Variants in SMYD3 observed in about 807,000 individuals in gnomAD.
The protein encoded by SMYD3 is histone-lysine N-methyltransferase SMYD3.
Under a neutral mutation model 57.7 loss-of-function variants are expected in SMYD3, and 36 were observed. The ratio of observed to expected loss-of-function variants is 0.62; its 90% CI spans 0.48 to 0.82. The LOEUF (loss-of-function observed/expected upper bound fraction) is 0.82, where lower values mean the gene tolerates loss of function less well. SMYD3 is among the 40% of genes least tolerant of loss of function. The pLI is 0.00. For missense variants in SMYD3, 515 were observed against 538.8 expected (o/e 0.96, Z 0.44); for synonymous variants, 211 against 195.0 (o/e 1.08, Z -0.68).
rs77232120 is a variant in SMYD3, at chr1:246,216,589, C to T, written c.531+110612G>A. 0.021 allele frequency among the ~76,000 whole-genome samples: 3,130 copies of T among 152,072 alleles called. 231 individuals carry two copies. In the East Asian group the frequency reaches 0.24, roughly 12 times the overall value. On this transcript the variant is annotated intron_variant, in intron 5 of 11. Coordinates refer to ENST00000490107, the MANE Select transcript of SMYD3 (RefSeq NM_001167740.2). ...AGAGAACGTCTTTGTTTTTAGAATG[C>T]TAACAATTGATGAATCTAGGTGCTA...
At chr1:246,224,128 C>G (rs1280132825) in intron 5 of SMYD3, among the ~76,000 whole-genome samples, 2 of 152,048 alleles carry the variant, frequency 1.3e-5, no homozygotes, top group Non-Finnish European at 2.9e-5. Context: ...CAAAAGGACT[C>G]TGTCCTCATA....
chr1:245,792,322 A>C (rs2047312120), intron 10 of SMYD3, among the ~76,000 whole-genome samples: 1 of 152,222 alleles, frequency 6.6e-6, no homozygotes, highest in African/African-American at 2.4e-5. Flanking sequence ...TAATTGGCCT[A>C]AGCCACATAG....
intron 10 of SMYD3, among the ~76,000 whole-genome samples, chr1:245,782,102 C>A (rs1211438636): frequency 6.6e-6 from 1 of 152,184 alleles, no homozygotes; most frequent in East Asian, 1.9e-4. Flanking sequence ...AAGGCTAGTT[C>A]TTTACCCTCC....
chr1:245,753,276 C>A (rs1169008705), intron 11 of SMYD3, among the ~76,000 whole-genome samples: 5 of 150,708 alleles, frequency 3.3e-5, no homozygotes, highest in African/African-American at 9.7e-5. Flanking sequence ...GAAACTACAT[C>A]ATCTGTCTAG....
intron 5 of SMYD3, among the ~76,000 whole-genome samples, chr1:245,945,025 A>C (rs1204661541): frequency 6.6e-6 from 1 of 152,202 alleles, no homozygotes; most frequent in African/African-American, 2.4e-5. Flanking sequence ...ACATAAAACT[A>C]TAAAAAACTC....
intron 10 of SMYD3, among the ~76,000 whole-genome samples, chr1:245,816,963 C>G (rs1266792912): frequency 1.3e-5 from 2 of 151,040 alleles, no homozygotes; most frequent in African/African-American, 2.4e-5. Flanking sequence ...GGCAGCGAGG[C>G]TGGGGGAGGG....
intron 2 of SMYD3, among the ~76,000 whole-genome samples, chr1:246,351,893 T>C (rs779654968): frequency 6.6e-6 from 1 of 152,062 alleles, no homozygotes; most frequent in African/African-American, 2.4e-5. Context: ...CCCAGCACTT[T>C]GGGAGGCCAA....
At chr1:246,158,875 G>A (rs1300920422) in intron 5 of SMYD3, among the ~76,000 whole-genome samples, 4 of 152,170 alleles carry the variant, frequency 2.6e-5, no homozygotes, top group Non-Finnish European at 4.4e-5. Context: ...TCTCAGTACA[G>A]ATAGAGCAAT....
intron 1 of SMYD3, among the ~76,000 whole-genome samples, chr1:246,369,562 T>TG (rs1377018316): frequency 1.3e-5 from 2 of 152,180 alleles, no homozygotes; most frequent in Non-Finnish European, 2.9e-5. Context: ...GGTCTCGCTC[T>TG]GTTACCCAGG....
intron 1 of SMYD3, among the ~76,000 whole-genome samples, chr1:246,488,647 C>T (rs138342911): frequency 6.6e-6 from 1 of 152,166 alleles, no homozygotes; most frequent in African/African-American, 2.4e-5. Flanking sequence ...GATCGCACCA[C>T]TGCACTCCAG....
chr1:246,139,135 T>G (rs12563722), intron 5 of SMYD3, among the ~76,000 whole-genome samples: 4 of 152,198 alleles, frequency 2.6e-5, no homozygotes, highest in Non-Finnish European at 5.9e-5. Context: ...AGGGGACTGA[T>G]TGAGTGTTAC....
chr1:245,958,112 G>A (rs953494623), intron 5 of SMYD3, among the ~76,000 whole-genome samples: 10 of 152,060 alleles, frequency 6.6e-5, no homozygotes, highest in Non-Finnish European at 1.5e-4. Context: ...TTTTTACCAC[G>A]AAAGTTGGGA....
intron 5 of SMYD3, among the ~76,000 whole-genome samples, chr1:246,310,489 T>C (rs2065057832): frequency 6.6e-6 from 1 of 152,162 alleles, no homozygotes; most frequent in Non-Finnish European, 1.5e-5. Flanking sequence ...TTTACACTTC[T>C]GCTTTCCCAT....
chr1:245,905,821 C>A (rs1329695696), intron 8 of SMYD3, among the ~76,000 whole-genome samples: 1 of 152,206 alleles, frequency 6.6e-6, no homozygotes, highest in Non-Finnish European at 1.5e-5. Context: ...CAATGGAACA[C>A]AACAGAAAAC....
intron 5 of SMYD3, among the ~76,000 whole-genome samples, chr1:246,085,017 A>G (rs2060700330): frequency 6.6e-6 from 1 of 152,250 alleles, no homozygotes; most frequent in South Asian, 2.1e-4. Flanking sequence ...TAAATGCTGC[A>G]TGTACCTCCT....
chr1:245,891,965 G>A lies in SMYD3; in HGVS notation c.813+23565C>T, dbSNP rs371812969. ...GGAGGCTGACATGGGAGGATTGCCT[G>A]AGCCCAGGAGTGAGCCATGAACACA... is the stretch of plus-strand genomic sequence containing the variant. On this transcript the variant is annotated intron_variant, in intron 8 of 11. Transcript: ENST00000490107. Among the ~76,000 whole-genome samples, 2 of 152,290 alleles carry A rather than the reference G, an allele frequency of 1.3e-5. 1 individual carries two copies. Among genetic ancestry groups the A allele is most frequent in the South Asian group, 4.2e-4 (2 of 4,814 alleles).
chr1:246,303,365 A>C (rs1235675379), intron 5 of SMYD3, among the ~76,000 whole-genome samples: 1 of 152,146 alleles, frequency 6.6e-6, no homozygotes, highest in Admixed American at 6.6e-5. Flanking sequence ...TTCCTCCCTC[A>C]GTATTGACTC....
At chr1:245,785,081 C>T (rs998759487) in intron 10 of SMYD3, among the ~76,000 whole-genome samples, 26 of 146,274 alleles carry the variant, frequency 1.8e-4, no homozygotes, top group African/African-American at 5.7e-4. Flanking sequence ...AAGGTTGGAT[C>T]GGGTGGATCA....
At chr1:246,124,821 T>C (rs1211359494) in intron 5 of SMYD3, among the ~76,000 whole-genome samples, 1 of 149,276 alleles carries the variant, frequency 6.7e-6, no homozygotes, top group Admixed American at 6.6e-5. Context: ...GACACTGTAA[T>C]AGAGTGATCT....
Sources: allele counts gnomAD v4.1 joint callset (sites outside exome capture counted in the v4.1 genomes callset), GRCh38; gene constraint gnomAD v4.1.1; transcripts MANE v1.5; gene names NCBI Gene and HGNC (gene_info 2026-07-23, HGNC 2026-07-21).